The following PNKD variants were observed in gnomAD, a reference collection of about 807,000 sequenced individuals.
PNKD encodes the protein PNKD metallo-beta-lactamase domain containing, also known as probable thioesterase PNKD.
Under a neutral mutation model 45.3 loss-of-function variants are expected in PNKD, and 36 were observed. The observed-to-expected ratio is 0.80, with a 90% CI of 0.61 to 1.05. The LOEUF (loss-of-function observed/expected upper bound fraction) is 1.05, where lower values mean the gene tolerates loss of function less well. Among genes scored for constraint, PNKD ranks in the 50% least tolerant of loss-of-function variants. PNKD has a pLI of 0.00. For missense variants in PNKD, 511 were observed against 506.6 expected, an observed-to-expected ratio of 1.01 and a Z score of -0.08; for synonymous variants, 197 against 210.1, an observed-to-expected ratio of 0.94 and a Z score of 0.54.
At chr2:218,273,089 GC>G in intron 2 of PNKD, 4 of 508,892 alleles carry the variant, frequency 7.9e-6, no homozygotes, top group South Asian at 4.5e-5. Context: ...ACCAGCCTAG[GC>G]CCCGGGCCCT....
intron 2 of PNKD, among the ~76,000 whole-genome samples, chr2:218,307,156 G>A (rs976121019): frequency 6.6e-6 from 1 of 152,110 alleles, no homozygotes; most frequent in Admixed American, 6.6e-5. Context: ...TCAAGTTAAA[G>A]ATCCCGTGTG....
At chr2:218,324,993 TTTTC>T (rs1694103978) in intron 2 of PNKD, among the ~76,000 whole-genome samples, 1 of 119,458 alleles carries the variant, frequency 8.4e-6, no homozygotes, top group Non-Finnish European at 1.7e-5. Flanking sequence ...ATCTAAATAA[TTTTC>T]TTTTTTTTTT....
At chr2:218,295,266 A>G (rs1005131571) in intron 2 of PNKD, among the ~76,000 whole-genome samples, 7 of 152,352 alleles carry the variant, frequency 4.6e-5, no homozygotes, top group Middle Eastern at 3.4e-3. Flanking sequence ...TCTGCCAACC[A>G]GACAGGAATT....
chr2:218,344,732 G>A (rs1694780048), intron 9 of PNKD, 76 bp from the exon 10 acceptor site: 7 of 1,496,648 alleles, frequency 4.7e-6, no homozygotes, highest in Middle Eastern at 1.7e-4. Context: ...GATGGGGCAG[G>A]GGTCGGGTCA....
chr2:218,275,490 C>T (rs149837076), intron 2 of PNKD: 1 of 1,613,594 alleles, frequency 6.2e-7, no homozygotes, highest in Non-Finnish European at 8.5e-7. Flanking sequence ...TGCGATCCCC[C>T]ATCAGCTGCA....
In PNKD at chr2:218,293,502, A is replaced by G. The variant is rs1262441253; in HGVS notation, c.236+21953A>G. 2.6e-5 allele frequency among the ~76,000 whole-genome samples: 4 copies of G among 151,678 alleles called. No homozygotes were observed. The East Asian group carries it at 7.7e-4, about 29-fold the overall frequency. On this transcript the variant is annotated intron_variant, in intron 2 of 9. Coordinates refer to ENST00000273077, the MANE Select transcript of PNKD (RefSeq NM_015488.5). Reference sequence around the variant, plus strand: ...TTCTTTCCATGACACCAAGGCTGCCAGTAGTTGACCAACTCTGTTTAAAGT... The same window carrying G: ...TTCTTTCCATGACACCAAGGCTGCCGGTAGTTGACCAACTCTGTTTAAAGT...
intron 2 of PNKD, chr2:218,292,499 G>C (rs1693003815): frequency 1.3e-5 from 2 of 152,236 alleles, no homozygotes; most frequent in Middle Eastern, 3.4e-3. Flanking sequence ...TCCTGGCCTC[G>C]GAGTGTTGCA....
intron 2 of PNKD, among the ~76,000 whole-genome samples, chr2:218,308,599 T>C (rs909621339): frequency 1.7e-4 from 26 of 152,162 alleles, no homozygotes; most frequent in African/African-American, 6.0e-4. Context: ...TCTTTCTTTT[T>C]TTTTTTTAGA....
At chr2:218,309,720 T>G (rs764757611) in intron 2 of PNKD, among the ~76,000 whole-genome samples, 1 of 151,570 alleles carries the variant, frequency 6.6e-6, no homozygotes, top group Non-Finnish European at 1.5e-5. Flanking sequence ...TCATTTGACG[T>G]CAGGAGTTTG....
Position 218,271,381 on chromosome 2 carries a change from G to C in PNKD, c.68G>C (p.Gly23Ala), listed in dbSNP as rs1254999367. ...TGACCTTCCTTACCTCCATCCACAGGGATTCTCGCAGGAGCCACAGCTAAC... is the reference window on the plus strand; with the variant it reads ...TGACCTTCCTTACCTCCATCCACAGCGATTCTCGCAGGAGCCACAGCTAAC... Reference protein sequence around the residue: ...RGARNARVLRGILAGATANKA... With the variant: ...RGARNARVLRAILAGATANKA... Residue 23 changes from glycine (G) to alanine (A), a missense_variant and splice_region_variant, in exon 2 of 10, where the codon GGG (glycine) becomes GCG (alanine). Gly to Ala is a moderately conservative substitution (Grantham distance 60). Transcript: ENST00000273077. 2.5e-6 allele frequency: 4 copies of C among 1,613,806 alleles called. No homozygotes were observed. The South Asian group carries it at 4.4e-5, about 18-fold the overall frequency.
rs1185629091 is a variant in PNKD at position 218,340,678 on chromosome 2, G to A, written c.466-50G>A. 1.4e-6 allele frequency: 2 copies of A among 1,399,052 alleles called. No homozygotes were observed. The highest frequency in any genetic ancestry group is 2.8e-5 in the African/African-American group (2 of 70,344). The allele number at this position is 1,399,052 out of a possible 1,614,324, so 86.7% of individuals were successfully genotyped here. On this transcript the variant is annotated intron_variant, in intron 4 of 9. Transcript: ENST00000273077. The surrounding 1 kb of genome is among the most constrained non-coding windows in gnomAD (Gnocchi z 4.2). ...ACACTCCTGGCTCTTGCTGCTTCAA[G>A]TGCCTCTTGCATCCTGCTCCCCAGT...
chr2:218,301,509 C>T (rs1172302572), intron 2 of PNKD, among the ~76,000 whole-genome samples: 6 of 152,054 alleles, frequency 3.9e-5, no homozygotes, highest in African/African-American at 7.2e-5. Flanking sequence ...GAGCCTTGGC[C>T]GACGCAATGG....
chr2:218,277,877 C>T, intron 2 of PNKD: 2 of 1,610,768 alleles, frequency 1.2e-6, no homozygotes, highest in Non-Finnish European at 1.7e-6. Context: ...CATCCCTTCC[C>T]TGGGAGCAGT....
intron 2 of PNKD, chr2:218,323,233 G>C: frequency 1.1e-5 from 16 of 1,455,218 alleles, no homozygotes; most frequent in Non-Finnish European, 1.4e-5. Flanking sequence ...TAGCAACGCC[G>C]AGCCCCGCCC....
At chr2:218,290,433 G>A (rs1283287040) in intron 2 of PNKD, among the ~76,000 whole-genome samples, 2 of 152,126 alleles carry the variant, frequency 1.3e-5, no homozygotes, top group Non-Finnish European at 2.9e-5. Flanking sequence ...TAACCTCTGT[G>A]CGTACACCCA....
intron 2 of PNKD, chr2:218,277,748 CCT>C: frequency 6.3e-7 from 1 of 1,592,396 alleles, no homozygotes; most frequent in Non-Finnish European, 8.6e-7. Context: ...GCCATGGTGG[CCT>C]CTGCCAGAGC....
intron 2 of PNKD, chr2:218,284,396 C>A (rs560122649): frequency 6.6e-6 from 1 of 152,426 alleles, no homozygotes; most frequent in East Asian, 1.9e-4. Flanking sequence ...CTGCTCCCTC[C>A]TCTGAGCCAA....
chr2:218,308,485 C>G (rs1359258607), intron 2 of PNKD, among the ~76,000 whole-genome samples: 1 of 151,894 alleles, frequency 6.6e-6, no homozygotes, highest in East Asian at 1.9e-4. Flanking sequence ...CCGTGCCCAG[C>G]CTTAGATTTT....
intron 2 of PNKD, among the ~76,000 whole-genome samples, chr2:218,336,007 G>A (rs1281569777): frequency 1.3e-5 from 2 of 152,112 alleles, no homozygotes; most frequent in African/African-American, 4.8e-5. Context: ...ATGAGGTCAA[G>A]AGATTGAGAC....
Sources: gnomAD v4.1 joint callset for allele counts (sites outside exome capture counted in the v4.1 genomes callset) on GRCh38, gnomAD v4.1.1 for gene constraint, Gnocchi (gnomAD v3.1) non-coding constraint, MANE v1.5 for transcripts, NCBI Gene and HGNC (gene_info 2026-07-23, HGNC 2026-07-21) for gene names.